The following CNTN1 variants were observed in gnomAD, a reference collection of about 807,000 sequenced individuals.
CNTN1 encodes contactin 1, also known as contactin-1.
Under a neutral mutation model 126.4 loss-of-function variants are expected in CNTN1, and 38 were observed. The observed-to-expected ratio is 0.30, with a 90% CI of 0.23 to 0.39. The LOEUF is 0.39. CNTN1 is among the 10% of genes least tolerant of loss of function. CNTN1 has a pLI of 1.00. For synonymous variants in CNTN1, 413 were observed against 422.6 expected, an observed-to-expected ratio of 0.98 and a Z score of 0.28; for missense variants, 1,009 against 1,248.4, an observed-to-expected ratio of 0.81 and a Z score of 2.89.
chr12:41,070,067 G>A lies in CNTN1; in HGVS notation c.*32G>A. ...TGTGACAGCTGCTGTTCCCATCCCAGCTCAGAAGACACCCTTCAACCCTGG... is the reference window on the plus strand; with the variant it reads ...TGTGACAGCTGCTGTTCCCATCCCAACTCAGAAGACACCCTTCAACCCTGG... On this transcript the variant is annotated 3_prime_UTR_variant, in exon 24 of 24. Transcript: ENST00000551295. The A allele has an allele frequency of 6.3e-7, 1 of 1,592,988 alleles. No individual in the cohort carries two copies. Among genetic ancestry groups the A allele is most frequent in the Non-Finnish European group, 8.6e-7 (1 of 1,161,366 alleles).
At chr12:40,695,278 GA>G (rs1359893960) in intron 1 of CNTN1, among the ~76,000 whole-genome samples, 1 of 152,164 alleles carries the variant, frequency 6.6e-6, no homozygotes, top group Non-Finnish European at 1.5e-5. Flanking sequence ...TTTTTTGGTA[GA>G]AGGCTATGCC....
chr12:41,037,230 T>G (rs1402724073), intron 23 of CNTN1, among the ~76,000 whole-genome samples: 2 of 152,104 alleles, frequency 1.3e-5, no homozygotes, highest in Non-Finnish European at 1.5e-5. Context: ...TCCCAAATAT[T>G]TAACGTTGAA....
At chr12:40,862,639 G>T (rs1184369096) in intron 1 of CNTN1, among the ~76,000 whole-genome samples, 1 of 152,094 alleles carries the variant, frequency 6.6e-6, no homozygotes, top group East Asian at 1.9e-4. Flanking sequence ...AGCATCCAAT[G>T]CAGAAGCAGA....
chr12:40,859,454 T>A (rs1470265665), intron 1 of CNTN1, among the ~76,000 whole-genome samples: 2 of 152,152 alleles, frequency 1.3e-5, no homozygotes, highest in Non-Finnish European at 2.9e-5. Context: ...CTGATCTTTT[T>A]ATCACAATTT....
intron 15 of CNTN1, among the ~76,000 whole-genome samples, chr12:40,975,247 T>C (rs1947643366): frequency 6.7e-6 from 1 of 148,150 alleles, no homozygotes; most frequent in Non-Finnish European, 1.5e-5. Context: ...CTTAAATGTA[T>C]GTGATCTACC....
At chr12:41,029,751 A>G (rs1427007554) in intron 23 of CNTN1, among the ~76,000 whole-genome samples, 2 of 152,090 alleles carry the variant, frequency 1.3e-5, no homozygotes, top group Non-Finnish European at 2.9e-5. Context: ...TTTCACTTGG[A>G]CTATAGATAT....
At chr12:40,939,762 G>A (rs207472866) in intron 12 of CNTN1, among the ~76,000 whole-genome samples, 6 of 152,006 alleles carry the variant, frequency 3.9e-5, no homozygotes, top group Admixed American at 6.6e-5. Context: ...ATTGCCCAAT[G>A]TCACACAGCT....
At chr12:40,979,638 A>G (rs962460672) in intron 15 of CNTN1, among the ~76,000 whole-genome samples, 5 of 152,150 alleles carry the variant, frequency 3.3e-5, no homozygotes, top group Admixed American at 6.6e-5. Flanking sequence ...TGAAATGTCT[A>G]TACTAGGAGC....
intron 1 of CNTN1, among the ~76,000 whole-genome samples, chr12:40,902,833 A>G (rs11178968): frequency 0.2 from 30,277 of 151,980 alleles, 5,348 homozygotes; most frequent in African/African-American, 0.48. Flanking sequence ...ATAAAACATG[A>G]CAAGAGCTAG....
At chr12:40,813,696 T>C (rs1052651748) in intron 1 of CNTN1, among the ~76,000 whole-genome samples, 3 of 152,218 alleles carry the variant, frequency 2.0e-5, no homozygotes, top group Non-Finnish European at 2.9e-5. Context: ...TTATATTCCT[T>C]TGGGTATATA....
intron 17 of CNTN1, among the ~76,000 whole-genome samples, chr12:41,010,861 GTTTGT>G (rs1258163187): frequency 6.9e-6 from 1 of 145,480 alleles, no homozygotes; most frequent in African/African-American, 2.7e-5. Context: ...TCCAACTAGG[GTTTGT>G]TTTTTTTTTT....
At chr12:41,050,336 G>A (rs1014158415) in intron 23 of CNTN1, among the ~76,000 whole-genome samples, 1 of 152,214 alleles carries the variant, frequency 6.6e-6, no homozygotes, top group East Asian at 1.9e-4. Context: ...TTGACTCACA[G>A]TTTCACAGGC....
intron 1 of CNTN1, among the ~76,000 whole-genome samples, chr12:40,775,145 T>C (rs1592073255): frequency 8.0e-6 from 1 of 125,072 alleles, no homozygotes; most frequent in Non-Finnish European, 1.8e-5. Context: ...CTCTTTATTG[T>C]TCTTTCTAAT....
intron 1 of CNTN1, among the ~76,000 whole-genome samples, chr12:40,906,393 A>G (rs1283770406): frequency 1.3e-5 from 2 of 152,338 alleles, no homozygotes; most frequent in South Asian, 4.1e-4. Flanking sequence ...ATATATATTA[A>G]AAAGGAAAAA....
At chr12:41,066,407 TAAG>T (rs1429775628) in intron 23 of CNTN1, among the ~76,000 whole-genome samples, 1 of 152,124 alleles carries the variant, frequency 6.6e-6, no homozygotes, top group Non-Finnish European at 1.5e-5. Context: ...TGCTCTGTAA[TAAG>T]AAAAAATTCA....
chr12:41,041,815 T>A (rs1949419129), intron 23 of CNTN1, among the ~76,000 whole-genome samples: 1 of 152,152 alleles, frequency 6.6e-6, no homozygotes, highest in South Asian at 2.1e-4. Context: ...TTTTCTTCTT[T>A]ATTTGTCTTG....
intron 1 of CNTN1, among the ~76,000 whole-genome samples, chr12:40,763,381 A>G (rs1257531432): frequency 1.3e-5 from 2 of 152,176 alleles, no homozygotes; most frequent in Non-Finnish European, 2.9e-5. Flanking sequence ...TGATGGAGGA[A>G]TTTAAGGGGA....
chr12:40,864,582 A>C (rs1943235953), intron 1 of CNTN1, among the ~76,000 whole-genome samples: 1 of 152,108 alleles, frequency 6.6e-6, no homozygotes. Context: ...ATGAAATTGC[A>C]CTATATGATT....
intron 17 of CNTN1, among the ~76,000 whole-genome samples, chr12:41,001,611 AT>A (rs1402699948): frequency 3.3e-5 from 5 of 152,086 alleles, no homozygotes; most frequent in African/African-American, 1.2e-4. Flanking sequence ...ATTAGATCTA[AT>A]TTGCCAATTT....
Sources: gnomAD v4.1 joint callset for allele counts (sites outside exome capture counted in the v4.1 genomes callset) on GRCh38, gnomAD v4.1.1 for gene constraint, MANE v1.5 for transcripts, NCBI Gene and HGNC (gene_info 2026-07-23, HGNC 2026-07-21) for gene names.